The following DPF3 variants were observed in gnomAD, a reference collection of about 807,000 sequenced individuals.
The protein encoded by DPF3 is zinc finger protein DPF3.
In DPF3, 18 loss-of-function variants were observed where a neutral mutation model predicts 56.8. The observed-to-expected ratio is 0.32, with a 90% confidence interval of 0.22 to 0.47. The LOEUF is 0.47. Ranked by LOEUF, DPF3 falls within the 20% of genes least tolerant of loss-of-function variation. The pLI, the probability that DPF3 is intolerant of heterozygous loss-of-function variation, is 1.00. For missense variants in DPF3, 403 were observed against 488.8 expected (o/e 0.82, Z 1.65); for synonymous variants, 188 against 180.2 (o/e 1.04, Z -0.35).
At chr14:72,884,792 G>GC (rs1379986018) in intron 1 of DPF3, among the ~76,000 whole-genome samples, 1 of 150,900 alleles carries the variant, frequency 6.6e-6, no homozygotes, top group African/African-American at 2.4e-5. Flanking sequence ...AGGAGTCCCT[G>GC]CCCTCAAAGG....
At chr14:72,645,943 G>A (rs1467398030) in intron 8 of DPF3, among the ~76,000 whole-genome samples, 1 of 152,184 alleles carries the variant, frequency 6.6e-6, no homozygotes, top group South Asian at 2.1e-4. Flanking sequence ...TCGACCACTT[G>A]CATGAGCATC....
At chr14:72,671,056 A>G in intron 8 of DPF3, 1 of 1,526,540 alleles carries the variant, frequency 6.6e-7, no homozygotes, top group African/African-American at 1.4e-5. Flanking sequence ...CTTTCATTAA[A>G]AAAAATATAT....
At chr14:72,637,324 T>C (rs933543636) in intron 8 of DPF3, among the ~76,000 whole-genome samples, 1 of 152,240 alleles carries the variant, frequency 6.6e-6, no homozygotes. Context: ...AGCCTTGACC[T>C]GGATTTATAC....
At chr14:72,767,394 G>A (rs112699707) in intron 2 of DPF3, among the ~76,000 whole-genome samples, 16 of 152,022 alleles carry the variant, frequency 1.1e-4, no homozygotes, top group African/African-American at 2.4e-4. Flanking sequence ...GTGTTTCAAC[G>A]AGCAATTATG....
Position 72,837,789 on chromosome 14 carries a change from C to A in DPF3, c.32+56268G>T, listed in dbSNP as rs578208441. Among the ~76,000 whole-genome samples, 10 of 152,196 alleles carry A rather than the reference C, an allele frequency of 6.6e-5. No homozygotes were observed. The South Asian group carries it at 1.5e-3, about 22-fold the overall frequency. The stretch of plus-strand genomic sequence containing the variant: ...AAAAAAAGATCACTGTTCACAATCA[C>A]AACATTTACACAGCCTCCTTCAAAA... On this transcript the variant is annotated intron_variant, in intron 1 of 10. Transcript: ENST00000556509.
intron 1 of DPF3, chr14:72,879,925 T>C (rs1886263134): frequency 2.7e-6 from 4 of 1,509,028 alleles, no homozygotes; most frequent in Non-Finnish European, 3.5e-6. Flanking sequence ...GATCCACAAC[T>C]TTCATAGGAT....
At chr14:72,862,502 C>T (rs1885478606) in intron 1 of DPF3, among the ~76,000 whole-genome samples, 1 of 152,182 alleles carries the variant, frequency 6.6e-6, no homozygotes, top group South Asian at 2.1e-4. Context: ...GTCCAAGTCA[C>T]TGCCTCCTCC....
intron 4 of DPF3, 70 bp downstream of exon 4, chr14:72,731,737 G>A (rs141827851): frequency 3.1e-5 from 50 of 1,592,076 alleles, no homozygotes; most frequent in Middle Eastern, 1.7e-4. Context: ...GAGCCAAGCC[G>A]GTGCTGGAGT....
At chr14:72,871,051 G>T (rs1885880318) in intron 1 of DPF3, among the ~76,000 whole-genome samples, 1 of 152,202 alleles carries the variant, frequency 6.6e-6, no homozygotes, top group African/African-American at 2.4e-5. Context: ...AAGAGAAAAT[G>T]AGGAAGAAGC....
intron 9 of DPF3, among the ~76,000 whole-genome samples, chr14:72,623,461 T>C (rs1479077629): frequency 6.6e-6 from 1 of 152,202 alleles, no homozygotes; most frequent in Non-Finnish European, 1.5e-5. Flanking sequence ...CTTAAGGTCA[T>C]ACATAAATGC....
intron 1 of DPF3, among the ~76,000 whole-genome samples, chr14:72,785,358 C>T (rs1427614522): frequency 6.6e-6 from 1 of 152,166 alleles, no homozygotes; most frequent in Non-Finnish European, 1.5e-5. Flanking sequence ...CCCTCACACA[C>T]CCCACTTTAC....
chr14:72,673,903 T>C, intron 8 of DPF3: 1 of 245,566 alleles, frequency 4.1e-6, no homozygotes, highest in Non-Finnish European at 7.9e-6. Flanking sequence ...ATGTGCATCA[T>C]CCACTACAAG....
At chr14:72,833,706 T>A (rs935428629) in intron 1 of DPF3, among the ~76,000 whole-genome samples, 2 of 152,186 alleles carry the variant, frequency 1.3e-5, no homozygotes, top group Non-Finnish European at 2.9e-5. Context: ...CACACCATGC[T>A]GGGGCTGGGG....
chr14:72,892,071 T>C, intron 1 of DPF3: 1 of 1,474,054 alleles, frequency 6.8e-7, no homozygotes, highest in Non-Finnish European at 8.9e-7. Flanking sequence ...AACACAAGCT[T>C]AGAGATACTG....
chr14:72,715,262 G>T (rs919792589), intron 5 of DPF3, among the ~76,000 whole-genome samples: 9 of 152,320 alleles, frequency 5.9e-5, no homozygotes, highest in Non-Finnish European at 1.3e-4. Flanking sequence ...GCGGTGGAAT[G>T]AGCTCTACCT....
In DPF3 at chr14:72,701,801, T is replaced by C. The variant is rs558150466; in HGVS notation, c.605-8588A>G. Among the ~76,000 whole-genome samples, 4 of 152,150 alleles carry C rather than the reference T, an allele frequency of 2.6e-5. No individual in the cohort carries two copies. In the East Asian group the frequency reaches 7.7e-4, roughly 29 times the overall value. On this transcript the variant is annotated intron_variant, in intron 6 of 10. Transcript: ENST00000556509. ...CATCCCAGAGACAAAGCCTGGGCCC[T>C]GGGAGTCACCAGCCAGTCACCAGCC... is the stretch of plus-strand genomic sequence containing the variant.
rs533057050 is a variant in DPF3 at position 72,786,856 on chromosome 14, T to C, written c.33-14963A>G. 4.6e-5 allele frequency among the ~76,000 whole-genome samples: 7 copies of C among 152,346 alleles called. No homozygotes were observed. In the East Asian group the frequency reaches 1.4e-3, roughly 29 times the overall value. On this transcript the variant is annotated intron_variant, in intron 1 of 10. Coordinates refer to ENST00000556509, the MANE Select transcript of DPF3 (RefSeq NM_001280542.3). ...CAAAACTCATAGCTGAAAATTCGTT[T>C]GTTTGCTTTTTTCTAGCCTCCCTTG...
At chr14:72,847,172 T>C (rs1048589365) in intron 1 of DPF3, among the ~76,000 whole-genome samples, 1 of 152,178 alleles carries the variant, frequency 6.6e-6, no homozygotes, top group African/African-American at 2.4e-5. Flanking sequence ...AACACGTCTT[T>C]CCTTTACTTT....
At chr14:72,851,183 C>A (rs991486505) in intron 1 of DPF3, among the ~76,000 whole-genome samples, 5 of 152,162 alleles carry the variant, frequency 3.3e-5, no homozygotes, top group African/African-American at 4.8e-5. Context: ...CCCCTTTGAA[C>A]GTCCCATTGG....
Sources: gnomAD v4.1 joint callset for allele counts (sites outside exome capture counted in the v4.1 genomes callset) on GRCh38, gnomAD v4.1.1 for gene constraint, MANE v1.5 for transcripts, NCBI Gene and HGNC (gene_info 2026-07-23, HGNC 2026-07-21) for gene names.